The following DPP10 variants were observed in gnomAD, a reference collection of about 807,000 sequenced individuals.
DPP10 encodes the protein inactive dipeptidyl peptidase 10.
In DPP10, 33 loss-of-function variants were observed where a neutral mutation model predicts 120.9. The observed-to-expected ratio is 0.27, with a 90% CI of 0.21 to 0.37. The LOEUF (loss-of-function observed/expected upper bound fraction) is 0.37, where lower values mean the gene tolerates loss of function less well. Ranked by LOEUF, DPP10 falls within the 10% of genes least tolerant of loss-of-function variation. The probability of loss-of-function intolerance (pLI) is 1.00; values close to 1 mark genes in which losing one functional copy is unlikely to be tolerated. For synonymous variants in DPP10, 337 were observed against 326.1 expected (o/e 1.03, Z -0.36); for missense variants, 816 against 942.8 (o/e 0.87, Z 1.76).
At chr2:114,933,128 T>C (rs1327256201) in intron 1 of DPP10, among the ~76,000 whole-genome samples, 1 of 152,180 alleles carries the variant, frequency 6.6e-6, no homozygotes, top group African/African-American at 2.4e-5. Context: ...ATGTTAGCCA[T>C]GTGAGATTCA....
intron 1 of DPP10, among the ~76,000 whole-genome samples, chr2:114,509,311 G>A (rs1354185253): frequency 1.2e-4 from 18 of 152,196 alleles, no homozygotes. Context: ...ATGAAGATTT[G>A]TTGAATCCTA....
At chr2:115,138,254 G>T (rs2050748621) in intron 1 of DPP10, among the ~76,000 whole-genome samples, 1 of 152,068 alleles carries the variant, frequency 6.6e-6, no homozygotes, top group African/African-American at 2.4e-5. Context: ...GGTGGAAAAT[G>T]GCATCTGGTT....
intron 1 of DPP10, among the ~76,000 whole-genome samples, chr2:115,061,095 C>A (rs548170869): frequency 2.6e-5 from 4 of 152,286 alleles, no homozygotes; most frequent in African/African-American, 9.6e-5. Flanking sequence ...TTCTCCCCTG[C>A]CCACACTGCA....
chr2:114,659,902 C>G lies in DPP10; in HGVS notation c.60+217064C>G, dbSNP rs72826504. 7.0e-3 allele frequency among the ~76,000 whole-genome samples: 1,064 copies of G among 152,286 alleles called. 7 individuals are homozygous for G. Among genetic ancestry groups the G allele is most frequent in the Admixed American group, 0.012 (179 of 15,300 alleles). ...GATGCAGCTACCAGCCACGTAATAT[C>G]AAGTGTTGCCAGCAACCACCTGAAG... On this transcript the variant is annotated intron_variant, in intron 1 of 25. Transcript: ENST00000410059.
rs758818861 is a variant in DPP10, at chr2:115,699,022, GAA to G, written c.576+9113_576+9114del. Among the ~76,000 whole-genome samples the G allele has an allele frequency of 1.8e-4, 7 of 39,180 alleles. No individual in the cohort carries two copies. The Admixed American group carries it at 2.2e-3, about 12-fold the overall frequency. 25.7% of individuals were successfully genotyped at this position (39,180 alleles called of 152,430 possible). On this transcript the variant is annotated intron_variant, in intron 7 of 25. Coordinates refer to ENST00000410059, the MANE Select transcript of DPP10 (RefSeq NM_020868.6). ...TGGCAAACCTTTAGTTAGCTTGACTGAAAAAAAAAAAAACAAAAAAAAAAAAA... is the reference window on the plus strand; with the variant it reads ...TGGCAAACCTTTAGTTAGCTTGACTGAAAAAAAAAAACAAAAAAAAAAAAA...
Position 115,530,511 on chromosome 2 carries a change from C to G in DPP10, c.441+4539C>G, listed in dbSNP as rs549869092. On this transcript the variant is annotated intron_variant, in intron 5 of 25. Transcript: ENST00000410059. Reference sequence around the variant, plus strand: ...CCTGGCCAACATGGTGAAATGCCATCTCCACAAAAAATACAAAAAATTTAG... The same window carrying G: ...CCTGGCCAACATGGTGAAATGCCATGTCCACAAAAAATACAAAAAATTTAG... Among the ~76,000 whole-genome samples, 210 of 152,030 alleles carry G rather than the reference C, an allele frequency of 1.4e-3. 2 individuals carry two copies. Among genetic ancestry groups the G allele is most frequent in the African/African-American group, 4.9e-3 (204 of 41,506 alleles).
intron 7 of DPP10, among the ~76,000 whole-genome samples, chr2:115,698,772 C>A (rs2091728115): frequency 6.6e-6 from 1 of 152,040 alleles, no homozygotes; most frequent in Non-Finnish European, 1.5e-5. Flanking sequence ...CTGTTATAAA[C>A]TGCACTGTCT....
chr2:114,956,366 A>T (rs575852064), intron 1 of DPP10, among the ~76,000 whole-genome samples: 7 of 152,148 alleles, frequency 4.6e-5, no homozygotes, highest in African/African-American at 1.4e-4. Flanking sequence ...AATTTAAAAA[A>T]AAAACATGTA....
At chr2:114,946,677 A>G (rs1188361687) in intron 1 of DPP10, among the ~76,000 whole-genome samples, 1 of 151,314 alleles carries the variant, frequency 6.6e-6, no homozygotes, top group Non-Finnish European at 1.5e-5. Context: ...ACATCAATAG[A>G]TTTTTCTTGT....
chr2:114,493,375 G>A (rs961257870), intron 1 of DPP10, among the ~76,000 whole-genome samples: 7 of 152,150 alleles, frequency 4.6e-5, no homozygotes, highest in African/African-American at 1.7e-4. Flanking sequence ...GTTCCAAGAA[G>A]AAAAATTTCT....
chr2:114,923,224 C>T (rs1574492658), intron 1 of DPP10, among the ~76,000 whole-genome samples: 1 of 150,252 alleles, frequency 6.7e-6, no homozygotes, highest in African/African-American at 2.4e-5. Context: ...CACTCTGTCA[C>T]CCAGGCTGGA....
intron 1 of DPP10, among the ~76,000 whole-genome samples, chr2:115,211,234 A>T (rs2056489288): frequency 9.7e-6 from 1 of 102,682 alleles, no homozygotes. Flanking sequence ...TGTTGGTCTT[A>T]CTGATTTTTT....
At chr2:114,840,637 T>TA (rs1162304003) in intron 1 of DPP10, among the ~76,000 whole-genome samples, 3 of 152,182 alleles carry the variant, frequency 2.0e-5, no homozygotes. Flanking sequence ...TTTATAGATT[T>TA]ATTCAAGAAG....
At chr2:114,863,179 T>C (rs1489878587) in intron 1 of DPP10, among the ~76,000 whole-genome samples, 4 of 152,320 alleles carry the variant, frequency 2.6e-5, no homozygotes, top group Admixed American at 2.0e-4. Flanking sequence ...GAAACAGGTA[T>C]TCCATGCCTT....
chr2:114,785,608 T>C (rs1322956884), intron 1 of DPP10, among the ~76,000 whole-genome samples: 1 of 152,166 alleles, frequency 6.6e-6, no homozygotes, highest in Admixed American at 6.5e-5. Context: ...AGCATTTGTG[T>C]CCCCAAATCT....
In DPP10 at chr2:114,806,536, G is replaced by A. The variant is rs184192390; in HGVS notation, c.60+363698G>A. ...CTTTTCATTATATTGCTTTTTTGTC[G>A]TAATACCTGGGAATGATATGTGTCA... On this transcript the variant is annotated intron_variant, in intron 1 of 25. Coordinates refer to ENST00000410059, the MANE Select transcript of DPP10 (RefSeq NM_020868.6). Among the ~76,000 whole-genome samples, 381 of 152,172 alleles carry A rather than the reference G, an allele frequency of 2.5e-3. 1 individual carries two copies. Among genetic ancestry groups the A allele is most frequent in the Non-Finnish European group, 3.8e-3 (256 of 68,016 alleles).
intron 1 of DPP10, among the ~76,000 whole-genome samples, chr2:114,621,890 C>A (rs771721721): frequency 6.6e-6 from 1 of 151,668 alleles, no homozygotes; most frequent in Non-Finnish European, 1.5e-5. Context: ...ATGCAAAGTG[C>A]CTGTCTTATT....
chr2:115,546,740 A>G (rs2079525404), intron 5 of DPP10, among the ~76,000 whole-genome samples: 1 of 152,082 alleles, frequency 6.6e-6, no homozygotes, highest in African/African-American at 2.4e-5. Flanking sequence ...TTATTTGAGG[A>G]ACTAAAGGTG....
intron 1 of DPP10, among the ~76,000 whole-genome samples, chr2:114,792,665 A>G (rs1233174109): frequency 6.6e-6 from 1 of 152,210 alleles, no homozygotes; most frequent in African/African-American, 2.4e-5. Context: ...GGTATCTAGA[A>G]TTTTGGTAGT....
Sources: allele counts gnomAD v4.1 joint callset (sites outside exome capture counted in the v4.1 genomes callset), GRCh38; gene constraint gnomAD v4.1.1; transcripts MANE v1.5; gene names NCBI Gene and HGNC (gene_info 2026-07-23, HGNC 2026-07-21).